The following RGS7 variants were observed in gnomAD, a reference collection of about 807,000 sequenced individuals.
The protein encoded by RGS7 is regulator of G-protein signaling 7.
Under a neutral mutation model 81.1 loss-of-function variants are expected in RGS7, and 27 were observed. The observed-to-expected ratio is 0.33, with a 90% CI of 0.25 to 0.46. The LOEUF is 0.46. Among genes scored for constraint, RGS7 ranks in the 20% least tolerant of loss-of-function variants. RGS7 has a pLI of 1.00. For missense variants in RGS7, 396 were observed against 607.4 expected (o/e 0.65, Z 3.66); for synonymous variants, 208 against 207.7 (o/e 1.00, Z -0.01).
chr1:240,917,001 G>A (rs917364311), intron 6 of RGS7, among the ~76,000 whole-genome samples: 1 of 152,124 alleles, frequency 6.6e-6, no homozygotes, highest in Admixed American at 6.6e-5. Context: ...TGAAAGGAGC[G>A]AGGGTGGATG....
chr1:240,979,830 A>T (rs1478256), intron 4 of RGS7, among the ~76,000 whole-genome samples: 122,420 of 152,114 alleles, frequency 0.8, 51,067 homozygotes, highest in East Asian at 1. Flanking sequence ...ATGAGTGTGA[A>T]ATTCTGGAAG....
At chr1:241,295,116 A>G (rs1372169040) in intron 2 of RGS7, among the ~76,000 whole-genome samples, 1 of 152,214 alleles carries the variant, frequency 6.6e-6, no homozygotes, top group African/African-American at 2.4e-5. Context: ...CTGTGAAGTT[A>G]CTTTCATAAT....
chr1:240,840,258 G>A (rs777275374), intron 9 of RGS7, among the ~76,000 whole-genome samples: 3 of 151,916 alleles, frequency 2.0e-5, no homozygotes, highest in Non-Finnish European at 2.9e-5. Context: ...CATGCTCTAC[G>A]AGGTGTTACA....
At chr1:241,124,277 C>T (rs1041612859) in intron 2 of RGS7, among the ~76,000 whole-genome samples, 1 of 151,824 alleles carries the variant, frequency 6.6e-6, no homozygotes, top group Non-Finnish European at 1.5e-5. Context: ...CGCCTATAGT[C>T]CCAGCTACCT....
At chr1:240,967,855 TC>T (rs1316872024) in intron 4 of RGS7, among the ~76,000 whole-genome samples, 1 of 151,992 alleles carries the variant, frequency 6.6e-6, no homozygotes, top group African/African-American at 2.4e-5. Context: ...TTTCCCAAAT[TC>T]GAAATTACAA....
intron 2 of RGS7, among the ~76,000 whole-genome samples, chr1:241,148,708 T>C (rs886949384): frequency 6.6e-6 from 1 of 152,244 alleles, no homozygotes; most frequent in Non-Finnish European, 1.5e-5. Flanking sequence ...TCAAGACTGG[T>C]GTTATTGTAA....
At chr1:241,262,442 G>A (rs1203290727) in intron 2 of RGS7, among the ~76,000 whole-genome samples, 1 of 152,196 alleles carries the variant, frequency 6.6e-6, no homozygotes, top group African/African-American at 2.4e-5. Flanking sequence ...GATGCCAGAA[G>A]TTCATGGGCA....
intron 2 of RGS7, among the ~76,000 whole-genome samples, chr1:241,245,821 C>T (rs947132585): frequency 3.3e-5 from 5 of 149,528 alleles, no homozygotes; most frequent in African/African-American, 1.2e-4. Context: ...AACAAACAAA[C>T]AGGCAGGACG....
intron 2 of RGS7, among the ~76,000 whole-genome samples, chr1:241,209,113 G>C (rs535211798): frequency 6.6e-6 from 1 of 152,282 alleles, no homozygotes; most frequent in African/African-American, 2.4e-5. Context: ...TATTAAATCA[G>C]TGTCAACTTA....
chr1:241,330,377 T>C (rs1220461796), intron 2 of RGS7, among the ~76,000 whole-genome samples: 3 of 152,214 alleles, frequency 2.0e-5, no homozygotes, highest in Non-Finnish European at 4.4e-5. Flanking sequence ...AACAACATGA[T>C]GAAAAGCCAA....
intron 2 of RGS7, among the ~76,000 whole-genome samples, chr1:241,262,967 C>T (rs1031673751): frequency 1.3e-5 from 2 of 152,024 alleles, no homozygotes; most frequent in African/African-American, 2.4e-5. Context: ...GGCATGGTGG[C>T]GGACACCTGT....
At chr1:241,124,231 GAA>G (rs55927322) in intron 2 of RGS7, among the ~76,000 whole-genome samples, 1 of 136,062 alleles carries the variant, frequency 7.3e-6, no homozygotes, top group Non-Finnish European at 1.6e-5. Flanking sequence ...CTCGTCTCTA[GAA>G]AAAAAAAAAA....
chr1:241,238,204 AG>A (rs1390807426), intron 2 of RGS7, among the ~76,000 whole-genome samples: 5 of 152,230 alleles, frequency 3.3e-5, no homozygotes, highest in Admixed American at 2.0e-4. Flanking sequence ...TGACCGACCC[AG>A]ACAGTCTTTT....
intron 6 of RGS7, among the ~76,000 whole-genome samples, chr1:240,906,767 C>G (rs1357845474): frequency 1.3e-5 from 2 of 152,152 alleles, no homozygotes; most frequent in East Asian, 1.9e-4. Context: ...CAAAGAGGAG[C>G]CTCTTTAACA....
chr1:241,098,804 C>G, intron 2 of RGS7, 42 bp from the exon 3 acceptor site: 1 of 1,463,976 alleles, frequency 6.8e-7, no homozygotes, highest in Non-Finnish European at 9.5e-7. Flanking sequence ...TAAAGTTGAA[C>G]TTTTTTGAAA....
At chr1:240,878,368 G>T (rs531382986) in intron 6 of RGS7, among the ~76,000 whole-genome samples, 2 of 151,996 alleles carry the variant, frequency 1.3e-5, no homozygotes, top group African/African-American at 4.8e-5. Context: ...CAATCAATCC[G>T]CATGGCTAGA....
intron 4 of RGS7, among the ~76,000 whole-genome samples, chr1:240,946,287 T>C (rs1362555311): frequency 6.6e-6 from 1 of 152,106 alleles, no homozygotes; most frequent in African/African-American, 2.4e-5. Context: ...TAGCCAGAAT[T>C]TAAACATCAG....
chr1:240,881,195 T>G (rs1666302457), intron 6 of RGS7, among the ~76,000 whole-genome samples: 1 of 152,266 alleles, frequency 6.6e-6, no homozygotes, highest in African/African-American at 2.4e-5. Context: ...TCATGTCCTT[T>G]GTAGGGACAT....
chr1:240,823,525 G>A, intron 10 of RGS7: 1 of 176,928 alleles, frequency 5.7e-6, no homozygotes, highest in Non-Finnish European at 1.2e-5. Flanking sequence ...CCCTGGATCA[G>A]CAAGGGGTGG....
Sources: allele counts gnomAD v4.1 joint callset (sites outside exome capture counted in the v4.1 genomes callset), GRCh38; gene constraint gnomAD v4.1.1; transcripts MANE v1.5; gene names NCBI Gene and HGNC (gene_info 2026-07-23, HGNC 2026-07-21).